GALNTL5: variants seen among roughly 807,000 people sequenced by gnomAD.
GALNTL5 encodes the protein inactive polypeptide N-acetylgalactosaminyltransferase-like protein 5.
Under a neutral mutation model 51.0 loss-of-function variants are expected in GALNTL5, and 44 were observed. That is an observed-to-expected ratio of 0.86 (90% CI 0.68 to 1.11). GALNTL5 has a LOEUF of 1.11. Ranked by LOEUF, GALNTL5 falls within the 50% of genes least tolerant of loss-of-function variation. The pLI, the probability that GALNTL5 is intolerant of heterozygous loss-of-function variation, is 0.00. For synonymous variants in GALNTL5, 192 were observed against 182.8 expected, an observed-to-expected ratio of 1.05 and a Z score of -0.41; for missense variants, 528 against 531.8, an observed-to-expected ratio of 0.99 and a Z score of 0.07.
intron 4 of GALNTL5, among the ~76,000 whole-genome samples, chr7:151,986,644 G>A (rs567389329): frequency 1.1e-4 from 17 of 151,386 alleles, no homozygotes; most frequent in African/African-American, 3.4e-4. Flanking sequence ...CAACAAAAAC[G>A]AAACAAAAAG....
chr7:151,957,212 G>A (rs1375184136), intron 1 of GALNTL5, among the ~76,000 whole-genome samples: 1 of 151,342 alleles, frequency 6.6e-6, no homozygotes, highest in East Asian at 1.9e-4. Flanking sequence ...ATTATCTAAA[G>A]CATGGTCATG....
chr7:151,990,568 G>A (rs941619233), intron 5 of GALNTL5, among the ~76,000 whole-genome samples: 11 of 574 alleles, frequency 0.019, no homozygotes, highest in South Asian at 0.25. Context: ...GCGACAGAGC[G>A]AGACTCCATC....
At chr7:151,983,230 T>C in intron 4 of GALNTL5, 78 bp downstream of exon 4, 1 of 1,254,108 alleles carries the variant, frequency 8.0e-7, no homozygotes, top group Non-Finnish European at 1.2e-6. Flanking sequence ...CAGGCTGGAG[T>C]GCAGTGGTAC....
intron 4 of GALNTL5, chr7:151,985,832 T>C (rs1563012943): frequency 6.6e-6 from 1 of 152,422 alleles, no homozygotes. Context: ...TCTGGAGATC[T>C]TTGAGCTGAG....
chr7:152,001,288 G>A (rs10251856), intron 5 of GALNTL5, among the ~76,000 whole-genome samples: 62,547 of 150,832 alleles, frequency 0.41, 13,423 homozygotes, highest in African/African-American at 0.49. Context: ...CAACGTATAT[G>A]TTTTTTCTTA....
chr7:151,965,777 T>G (rs892697694), intron 1 of GALNTL5, among the ~76,000 whole-genome samples: 1 of 152,032 alleles, frequency 6.6e-6, no homozygotes, highest in South Asian at 2.1e-4. Context: ...GTCTCAGCTA[T>G]TCAGGAAGCT....
intron 3 of GALNTL5, among the ~76,000 whole-genome samples, chr7:151,974,605 A>G (rs899440198): frequency 2.0e-5 from 3 of 152,240 alleles, no homozygotes; most frequent in African/African-American, 7.2e-5. Flanking sequence ...TATCTGGGTC[A>G]TGATAAAATA....
rs1176076420 is a variant in GALNTL5 at position 151,999,220 on chromosome 7, G to C, written c.659-3494G>C. ...TGTCAGTGCTTCCTTTTTTATGGTT[G>C]AATAATATTCCATTCTGTGATACAC... On this transcript the variant is annotated intron_variant, in intron 5 of 8. Transcript: ENST00000392800. 2.6e-5 allele frequency among the ~76,000 whole-genome samples: 4 copies of C among 152,174 alleles called. No individual in the cohort carries two copies. The East Asian group carries it at 7.7e-4, about 29-fold the overall frequency.
At chr7:151,966,544 C>T (rs1286701818) in intron 1 of GALNTL5, among the ~76,000 whole-genome samples, 1 of 152,184 alleles carries the variant, frequency 6.6e-6, no homozygotes, top group African/African-American at 2.4e-5. Flanking sequence ...ACTGGGATTA[C>T]AGGCATGAGC....
chr7:151,969,548 C>T (rs1338219209), intron 2 of GALNTL5, among the ~76,000 whole-genome samples: 3 of 151,954 alleles, frequency 2.0e-5, no homozygotes, highest in African/African-American at 7.2e-5. Context: ...TCCCCTAGTG[C>T]GCAGATCCCT....
intron 5 of GALNTL5, among the ~76,000 whole-genome samples, chr7:152,000,730 C>G (rs1237684406): frequency 6.6e-6 from 1 of 152,132 alleles, no homozygotes; most frequent in Non-Finnish European, 1.5e-5. Context: ...GCAAAGATGT[C>G]TATTCAAATC....
At chr7:151,977,243 T>C (rs1317683885) in intron 3 of GALNTL5, among the ~76,000 whole-genome samples, 1 of 152,176 alleles carries the variant, frequency 6.6e-6, no homozygotes, top group Non-Finnish European at 1.5e-5. Context: ...CTAGTCAAAT[T>C]AAGAAATAAA....
chr7:151,967,453 A>C lies in GALNTL5; in HGVS notation c.207A>C (p.Ile69=). 6.2e-7 allele frequency: 1 copy of C among 1,613,988 alleles called. No homozygotes were observed. The highest frequency in any genetic ancestry group is 8.5e-7 in the Non-Finnish European group (1 of 1,179,848). The part of the protein sequence containing the change: ...GSEQIPKPHV[I]VKRTDEDKAK... ...AGCAAATACCAAAACCTCATGTAAT[A>C]GTCAAAAGGACTGATGAAGATAAAG... The change falls in exon 2 of 9, where the codon ATA becomes ATC. Residue 69 remains isoleucine (I), a synonymous_variant. Transcript: ENST00000392800.
At chr7:152,012,027 A>G (rs1030034572) in intron 7 of GALNTL5, among the ~76,000 whole-genome samples, 1 of 152,192 alleles carries the variant, frequency 6.6e-6, no homozygotes, top group Non-Finnish European at 1.5e-5. Context: ...TTGGATTCAG[A>G]TCTGATTATC....
intron 2 of GALNTL5, among the ~76,000 whole-genome samples, chr7:151,968,099 C>T (rs1485115504): frequency 2.6e-5 from 4 of 151,952 alleles, no homozygotes; most frequent in Non-Finnish European, 5.9e-5. Context: ...AGTTCAAGAC[C>T]TGCCTGGGGA....
rs913462617 is a variant in GALNTL5, at chr7:152,002,813, GC to G, written c.763del (p.Leu255Ter). 2 of 1,614,006 alleles carry G rather than the reference GC, an allele frequency of 1.2e-6. No individual in the cohort carries two copies. Among genetic ancestry groups the G allele is most frequent in the Admixed American group, 1.7e-5 (1 of 59,998 alleles). The stretch of plus-strand genomic sequence containing the variant: ...GCCAAGGACCCCAAAATGGTGGTGT[GC>G]CCCCTGATAGATGTCATTGATGATA... ...AIAKDPKMVV[C>X]PLIDVIDDRT... On this transcript the variant is annotated frameshift_variant, in exon 6 of 9. Transcript: ENST00000392800. LOFTEE classifies it high-confidence loss of function.
chr7:151,967,106 G>T, intron 1 of GALNTL5, 102 bp from the exon 2 acceptor site: 1 of 669,306 alleles, frequency 1.5e-6, no homozygotes, highest in Admixed American at 2.9e-5. Context: ...GGCCATCAAC[G>T]TGATTGTTTT....
intron 5 of GALNTL5, among the ~76,000 whole-genome samples, chr7:151,987,878 A>G (rs2081379599): frequency 6.6e-6 from 1 of 152,230 alleles, no homozygotes; most frequent in Admixed American, 6.5e-5. Context: ...GCTGCCCGTT[A>G]GGGAGACCTG....
chr7:151,988,206 C>T (rs915328623), intron 5 of GALNTL5, among the ~76,000 whole-genome samples: 10 of 152,296 alleles, frequency 6.6e-5, no homozygotes, highest in South Asian at 2.1e-4. Flanking sequence ...CCTTGGTAGC[C>T]ATGGCTGGCC....
Sources: allele counts gnomAD v4.1 joint callset (sites outside exome capture counted in the v4.1 genomes callset), GRCh38; gene constraint gnomAD v4.1.1; transcripts MANE v1.5; gene names NCBI Gene and HGNC (gene_info 2026-07-23, HGNC 2026-07-21).